The following CTNNA3 variants were observed in gnomAD, a reference collection of about 807,000 sequenced individuals.
CTNNA3 encodes the protein catenin alpha-3.
CTNNA3 carries 76 observed loss-of-function variants against 95.7 expected under a neutral mutation model. That is an observed-to-expected ratio of 0.79 (90% confidence interval 0.66 to 0.96). The LOEUF (loss-of-function observed/expected upper bound fraction) is 0.96. Ranked by LOEUF, CTNNA3 falls within the 40% of genes least tolerant of loss-of-function variation. The pLI is 0.00. For synonymous variants in CTNNA3, 431 were observed against 374.4 expected, an observed-to-expected ratio of 1.15 and a Z score of -1.74; for missense variants, 1,191 against 1,089.8, an observed-to-expected ratio of 1.09 and a Z score of -1.31.
intron 1 of CTNNA3, among the ~76,000 whole-genome samples, chr10:67,753,858 T>C (rs1258982903): frequency 6.6e-6 from 1 of 152,230 alleles, no homozygotes; most frequent in Admixed American, 6.5e-5. Context: ...ACTTTTACAC[T>C]GTTGGTGAGA....
intron 7 of CTNNA3, among the ~76,000 whole-genome samples, chr10:66,854,834 C>T (rs919420644): frequency 3.3e-5 from 5 of 151,014 alleles, no homozygotes; most frequent in Non-Finnish European, 5.9e-5. Flanking sequence ...GAAGATAGTG[C>T]GGTCTGGAAG....
intron 6 of CTNNA3, among the ~76,000 whole-genome samples, chr10:67,189,149 A>C (rs914395054): frequency 4.6e-5 from 7 of 151,996 alleles, no homozygotes; most frequent in African/African-American, 1.2e-4. Flanking sequence ...CAACAAAAAA[A>C]AAAACAGAAA....
intron 7 of CTNNA3, among the ~76,000 whole-genome samples, chr10:66,975,346 A>G (rs1200518937): frequency 6.6e-6 from 1 of 152,204 alleles, no homozygotes; most frequent in African/African-American, 2.4e-5. Flanking sequence ...AAAGTATTAA[A>G]GCAGATGCCT....
chr10:67,266,003 G>C (rs527954360), intron 5 of CTNNA3, among the ~76,000 whole-genome samples: 37 of 152,066 alleles, frequency 2.4e-4, no homozygotes, highest in African/African-American at 8.2e-4. Context: ...TTCAAACCTA[G>C]ACTGACACCC....
At chr10:67,581,785 T>C (rs1842409887) in intron 3 of CTNNA3, among the ~76,000 whole-genome samples, 1 of 152,206 alleles carries the variant, frequency 6.6e-6, no homozygotes, top group Non-Finnish European at 1.5e-5. Flanking sequence ...GGTTTAGTCT[T>C]GGGAAGGTGT....
intron 7 of CTNNA3, among the ~76,000 whole-genome samples, chr10:66,848,897 A>G (rs761547715): frequency 1.3e-5 from 2 of 152,182 alleles, no homozygotes; most frequent in Non-Finnish European, 2.9e-5. Context: ...GTTTTCTTTC[A>G]TAATTGAATC....
intron 10 of CTNNA3, among the ~76,000 whole-genome samples, chr10:66,591,643 C>T (rs1843554860): frequency 6.6e-6 from 1 of 152,028 alleles, no homozygotes; most frequent in Non-Finnish European, 1.5e-5. Flanking sequence ...GCTGTTCCAG[C>T]CCTTTCCTGT....
chr10:65,935,644 C>T (rs2077325212), intron 17 of CTNNA3, among the ~76,000 whole-genome samples: 1 of 151,928 alleles, frequency 6.6e-6, no homozygotes, highest in Non-Finnish European at 1.5e-5. Flanking sequence ...ATTATTTTGT[C>T]CTTTGGGTTC....
At chr10:67,711,103 T>C (rs1166652364) in intron 1 of CTNNA3, among the ~76,000 whole-genome samples, 1 of 152,192 alleles carries the variant, frequency 6.6e-6, no homozygotes, top group African/African-American at 2.4e-5. Context: ...TCCACCATGA[T>C]TGTGAGGCCT....
rs562833003 is a variant in CTNNA3, at chr10:67,280,546, G to T, written c.580-60676C>A. On this transcript the variant is annotated intron_variant, in intron 5 of 17. Transcript: ENST00000433211. ...AACAGGTGAGGGAGTCCTGCCAACCGGCTCCCACTTCACAGACTGAATACC... is the reference window on the plus strand; with the variant it reads ...AACAGGTGAGGGAGTCCTGCCAACCTGCTCCCACTTCACAGACTGAATACC... 1.3e-4 allele frequency among the ~76,000 whole-genome samples: 19 copies of T among 151,862 alleles called. 1 individual carries two copies. In the East Asian group the frequency reaches 3.5e-3, roughly 28 times the overall value.
At chr10:66,099,348 AAATTACAGC>A in intron 14 of CTNNA3, among the ~76,000 whole-genome samples, 1 of 152,190 alleles carries the variant, frequency 6.6e-6, no homozygotes, top group Non-Finnish European at 1.5e-5. Context: ...AATGGATATG[AAATTACAGC>A]AATTACAGCT....
chr10:67,302,373 T>G (rs946776921), intron 5 of CTNNA3, among the ~76,000 whole-genome samples: 5 of 152,120 alleles, frequency 3.3e-5, no homozygotes, highest in African/African-American at 1.2e-4. Context: ...GTGACTACAA[T>G]TAATAAGAAT....
At chr10:66,340,539 A>G (rs189987982) in intron 12 of CTNNA3, among the ~76,000 whole-genome samples, 1 of 151,946 alleles carries the variant, frequency 6.6e-6, no homozygotes, top group East Asian at 1.9e-4. Flanking sequence ...TGAAGACAGG[A>G]AGGAGCCTAT....
At chr10:67,636,695 T>C (rs1432626967) in intron 2 of CTNNA3, among the ~76,000 whole-genome samples, 3 of 152,102 alleles carry the variant, frequency 2.0e-5, no homozygotes, top group African/African-American at 7.2e-5. Context: ...GCAGCAACAT[T>C]TGCTGTTCAC....
chr10:66,978,552 A>AAATAAAAAAATAAAAAAATATATATAT, intron 7 of CTNNA3, among the ~76,000 whole-genome samples: 1 of 37,866 alleles, frequency 2.6e-5, no homozygotes, highest in Non-Finnish European at 4.8e-5. Context: ...AAAAAAAAAA[A>AAATAAAAAAATAAAAAAATATATATAT]ATATATATAT....
intron 10 of CTNNA3, among the ~76,000 whole-genome samples, chr10:66,573,545 A>G (rs753472819): frequency 2.0e-5 from 3 of 152,224 alleles, no homozygotes; most frequent in African/African-American, 4.8e-5. Context: ...AAATCATTAT[A>G]TAACAAATAC....
In CTNNA3 at chr10:66,535,160, G is replaced by T. The variant is rs546046363; in HGVS notation, c.1375-14387C>A. 7.1e-4 allele frequency among the ~76,000 whole-genome samples: 104 copies of T among 146,684 alleles called. 1 individual carries two copies. The highest frequency in any genetic ancestry group is 1.3e-3 in the Non-Finnish European group (89 of 66,350). ...CTTTGTGAGTTTACTTCTTAAGGGG[G>T]AAAAAAAAAACCCTGAATTACCAGT... On this transcript the variant is annotated intron_variant, in intron 10 of 17. Transcript: ENST00000433211.
intron 7 of CTNNA3, among the ~76,000 whole-genome samples, chr10:66,810,919 A>G (rs376428459): frequency 4.6e-5 from 7 of 152,284 alleles, no homozygotes; most frequent in Admixed American, 2.0e-4. Context: ...TATATTAGTC[A>G]TCTTCCTCCC....
At chr10:66,729,751 C>T (rs1848894306) in intron 9 of CTNNA3, among the ~76,000 whole-genome samples, 1 of 152,114 alleles carries the variant, frequency 6.6e-6, no homozygotes, top group Non-Finnish European at 1.5e-5. Context: ...AGAACTTACT[C>T]ATGTAACCAA....
Sources: allele counts gnomAD v4.1 joint callset (sites outside exome capture counted in the v4.1 genomes callset), GRCh38; gene constraint gnomAD v4.1.1; transcripts MANE v1.5; gene names NCBI Gene and HGNC (gene_info 2026-07-23, HGNC 2026-07-21).